Variants in GGA3 observed in about 807,000 individuals in gnomAD.
The protein encoded by GGA3 is ADP-ribosylation factor-binding protein GGA3.
GGA3 carries 57 observed loss-of-function variants against 77.5 expected under a neutral mutation model. The observed-to-expected ratio is 0.74, with a 90% CI of 0.59 to 0.92. The LOEUF (loss-of-function observed/expected upper bound fraction) is 0.92. Ranked by LOEUF, GGA3 falls within the 40% of genes least tolerant of loss-of-function variation. GGA3 has a pLI of 0.00. For synonymous variants in GGA3, 416 were observed against 383.7 expected, an observed-to-expected ratio of 1.08 and a Z score of -0.98; for missense variants, 970 against 914.9, an observed-to-expected ratio of 1.06 and a Z score of -0.78.
In GGA3 at chr17:75,240,031, G is replaced by A. The variant is rs1354251162; in HGVS notation, c.1341C>T (p.Leu447=). ...AACGASDAPL[L]QPSAPSSSSS... ...TGCTTGAGGAGGGGGCTGAGGGCTG[G>A]AGCAGAGGAGCATCGGAGGCGCCAC... Residue 447 remains leucine (L), a synonymous_variant, in exon 13 of 17, where the codon CTC becomes CTT. Transcript: ENST00000537686. 6.4e-7 allele frequency: 1 copy of A among 1,552,174 alleles called. No homozygotes were observed. The highest frequency in any genetic ancestry group is 2.0e-5 in the Admixed American group (1 of 51,182).
At chr17:75,259,833 C>G (rs914884588) in intron 1 of GGA3, among the ~76,000 whole-genome samples, 2 of 152,172 alleles carry the variant, frequency 1.3e-5, no homozygotes, top group Non-Finnish European at 2.9e-5. Flanking sequence ...TCCCCCCCAC[C>G]AAGTGTGTCC....
rs763859928 is a variant in GGA3 at position 75,237,499 on chromosome 17, G to A, written c.*780C>T. On this transcript the variant is annotated 3_prime_UTR_variant, in exon 17 of 17. Transcript: ENST00000537686. Reference sequence around the variant, plus strand: ...AGGATGGCCTGTCCCCACGGCTGGAGGCACGCTTTTCCCAGAAAGCTGAGT... The same window carrying A: ...AGGATGGCCTGTCCCCACGGCTGGAAGCACGCTTTTCCCAGAAAGCTGAGT... 1.3e-6 allele frequency: 2 copies of A among 1,535,948 alleles called. No individual in the cohort carries two copies. Among genetic ancestry groups the A allele is most frequent in the South Asian group, 1.2e-5 (1 of 84,056 alleles).
At chr17:75,250,788 T>A (rs2145564161) in intron 1 of GGA3, among the ~76,000 whole-genome samples, 1 of 110,354 alleles carries the variant, frequency 9.1e-6, no homozygotes, top group South Asian at 2.8e-4. Flanking sequence ...AAAAATTATA[T>A]ACATATGGTC....
chr17:75,240,550 TC>T, intron 11 of GGA3, 138 bp from the exon 12 acceptor site: 2 of 683,848 alleles, frequency 2.9e-6, no homozygotes, highest in South Asian at 1.8e-5. Flanking sequence ...GCAGGCAGCC[TC>T]CAGAGGGGAA....
chr17:75,240,205 C>T (rs1567780052), intron 12 of GGA3, 97 bp from the exon 13 acceptor site: 8 of 1,193,600 alleles, frequency 6.7e-6, no homozygotes, highest in Non-Finnish European at 9.6e-6. Flanking sequence ...GGAAGACAGC[C>T]CCGGAGGCAC....
chr17:75,239,138 GC>G, intron 14 of GGA3, 55 bp from the exon 15 acceptor site: 1 of 1,529,192 alleles, frequency 6.5e-7, no homozygotes. Context: ...ACCCAACAGA[GC>G]CCCGGCGGTG....
At chr17:75,258,738 C>T (rs1395975973) in intron 1 of GGA3, among the ~76,000 whole-genome samples, 1 of 151,952 alleles carries the variant, frequency 6.6e-6, no homozygotes, top group Non-Finnish European at 1.5e-5. Context: ...CTGGTCTTAA[C>T]TTCCCAGCCT....
At chr17:75,258,999 G>A (rs377293978) in intron 1 of GGA3, among the ~76,000 whole-genome samples, 2 of 149,090 alleles carry the variant, frequency 1.3e-5, no homozygotes, top group African/African-American at 2.5e-5. Context: ...TGTCACCGAG[G>A]CTGGAGTGCA....
At position 75,253,048 on chromosome 17, in the gene GGA3, A is replaced by G. The variant is rs571327593; in HGVS notation, c.41-6252T>C. ...TGGTGGTCTCTTCACATGGACGCGC[A>G]TGAAATTTGGTGCCATGACTCGGAT... On this transcript the variant is annotated intron_variant, in intron 1 of 16. Coordinates refer to ENST00000537686, the MANE Select transcript of GGA3 (RefSeq NM_138619.4). Among the ~76,000 whole-genome samples, 84 of 152,332 alleles carry G rather than the reference A, an allele frequency of 5.5e-4. 2 individuals are homozygous for G. In the South Asian group the frequency reaches 0.017, roughly 31 times the overall value.
Position 75,238,091 on chromosome 17 carries a change from C to T in GGA3, c.*188G>A. ...TCACACAGGTAGATAAAAACAGGTC[C>T]TTTTAGGGGCCAAAGGAGAGGTTAT... On this transcript the variant is annotated 3_prime_UTR_variant, in exon 17 of 17. Transcript: ENST00000537686. 5.7e-6 allele frequency: 8 copies of T among 1,395,416 alleles called. No individual in the cohort carries two copies. The highest frequency in any genetic ancestry group is 2.7e-5 in the East Asian group (1 of 37,616). The allele number at this position is 1,395,416 out of a possible 1,614,324, so 86.4% of individuals were successfully genotyped here.
At position 75,249,049 on chromosome 17, in the gene GGA3, T is replaced by C. The variant is rs543408841; in HGVS notation, c.41-2253A>G. 9.2e-5 allele frequency: 88 copies of C among 956,194 alleles called. No homozygotes were observed. In the African/African-American group the frequency reaches 1.5e-3, roughly 16 times the overall value. The allele number at this position is 956,194 out of a possible 1,614,324, so 59.2% of individuals were successfully genotyped here. A position where few individuals can be genotyped will look rare whatever the true frequency, so the allele number is the denominator to read the frequency against. Reference sequence around the variant, plus strand: ...TCTGATGGTTTAGGTTCATATTTATTTATTTATTTATTTTGAGATTGAGTC... The same window carrying C: ...TCTGATGGTTTAGGTTCATATTTATCTATTTATTTATTTTGAGATTGAGTC... On this transcript the variant is annotated intron_variant, in intron 1 of 16. Transcript: ENST00000537686.
chr17:75,238,598 A>T lies in GGA3; in HGVS notation c.2061+54T>A, dbSNP rs1164339857. The T allele has an allele frequency of 6.1e-6, 8 of 1,302,586 alleles. No individual in the cohort carries two copies. The East Asian group carries it at 1.8e-4, about 30-fold the overall frequency. 80.7% of individuals were successfully genotyped at this position (1,302,586 alleles called of 1,614,324 possible). On this transcript the variant is annotated intron_variant, in intron 16 of 16. Transcript: ENST00000537686. ...TGGGAGGTGGTGGGCCTGACGTCCT[A>T]ATCTGGGGCAGCTGGGGCCTCAGGC...
At chr17:75,246,463 C>T (rs752512468) in intron 3 of GGA3, 46 bp downstream of exon 3, 2 of 1,231,810 alleles carry the variant, frequency 1.6e-6, no homozygotes, top group East Asian at 4.6e-5. Context: ...ATGGCGTGGG[C>T]AGGTGAAGGG....
At chr17:75,246,365 A>C in intron 3 of GGA3, 144 bp downstream of exon 3, 3 of 632,962 alleles carry the variant, frequency 4.7e-6, no homozygotes, top group Non-Finnish European at 8.6e-6. Flanking sequence ...CAGCTGGCTG[A>C]ACAGATTCGA....
upstream of GGA3, chr17:75,261,878 T>TG (rs1393922990): frequency 1.2e-6 from 2 of 1,605,436 alleles, no homozygotes; most frequent in Non-Finnish European, 1.7e-6. Flanking sequence ...GCAGTCCTTG[T>TG]GGGGTCCTCG....
chr17:75,238,890 T>C lies in GGA3; in HGVS notation c.1950+24A>G, dbSNP rs1456342876. The C allele has an allele frequency of 5.6e-6, 9 of 1,611,646 alleles. No individual in the cohort carries two copies. In the African/African-American group the frequency reaches 6.7e-5, roughly 12 times the overall value. On this transcript the variant is annotated intron_variant, in intron 15 of 16. Transcript: ENST00000537686. The stretch of plus-strand genomic sequence containing the variant: ...ACAACAGGGTCAAGATAAGGCCGTT[T>C]TGGCCCCAGGGAGACACTGGTACCT...
chr17:75,246,026 T>A (rs562932548), intron 3 of GGA3, among the ~76,000 whole-genome samples: 1 of 152,310 alleles, frequency 6.6e-6, no homozygotes, highest in Non-Finnish European at 1.5e-5. Flanking sequence ...TTAAATTCCC[T>A]CAGTCTGAAC....
At chr17:75,241,831 A>G in intron 8 of GGA3, 135 bp from the exon 9 acceptor site, 4 of 759,412 alleles carry the variant, frequency 5.3e-6, no homozygotes, top group South Asian at 1.5e-5. Flanking sequence ...CTGGGATCAC[A>G]GCGCACGTCT....
Position 75,261,451 on chromosome 17 carries a change from A to G in GGA3, c.40+97T>C. The G allele has an allele frequency of 4.0e-6, 4 of 1,010,664 alleles. No individual in the cohort carries two copies. In the South Asian group the frequency reaches 9.4e-5, roughly 24 times the overall value. 62.6% of individuals were successfully genotyped at this position (1,010,664 alleles called of 1,614,324 possible). A position where few individuals can be genotyped will look rare whatever the true frequency, so the allele number is the denominator to read the frequency against. ...GGGCGAGACCGGGCGTGGGCTGCCA[A>G]GAGGCGACGCCGTGGAGCCCGGGGA... On this transcript the variant is annotated intron_variant, in intron 1 of 16. Transcript: ENST00000537686.
Sources: allele counts gnomAD v4.1 joint callset (sites outside exome capture counted in the v4.1 genomes callset), GRCh38; gene constraint gnomAD v4.1.1; transcripts MANE v1.5; gene names NCBI Gene and HGNC (gene_info 2026-07-23, HGNC 2026-07-21).